The following PLCG2 variants were observed in gnomAD, a reference collection of about 807,000 sequenced individuals.
PLCG2 encodes phospholipase C gamma 2, also known as 1-phosphatidylinositol 4,5-bisphosphate phosphodiesterase gamma-2.
Under a neutral mutation model 175.6 loss-of-function variants are expected in PLCG2, and 69 were observed. That is an observed-to-expected ratio of 0.39 (90% confidence interval 0.32 to 0.48). The LOEUF (loss-of-function observed/expected upper bound fraction) is 0.48, where lower values mean the gene tolerates loss of function less well. Among genes scored for constraint, PLCG2 ranks in the 20% least tolerant of loss-of-function variants. The pLI, the probability that PLCG2 is intolerant of heterozygous loss-of-function variation, is 0.91. For missense variants in PLCG2, 1,798 were observed against 1,650.9 expected (o/e 1.09, Z -1.54); for synonymous variants, 827 against 624.0 (o/e 1.33, Z -4.85).
intron 2 of PLCG2, among the ~76,000 whole-genome samples, chr16:81,827,817 A>C (rs1178324932): frequency 6.6e-6 from 1 of 152,078 alleles, no homozygotes; most frequent in Non-Finnish European, 1.5e-5. Flanking sequence ...GCCGCCAGGC[A>C]CGGTGGTTCA....
chr16:81,849,686 A>G (rs1423211749), intron 2 of PLCG2, among the ~76,000 whole-genome samples: 2 of 148,216 alleles, frequency 1.3e-5, no homozygotes, highest in African/African-American at 5.0e-5. Context: ...CAGGAGAATC[A>G]CTTGAACCCA....
At chr16:81,924,258 G>A (rs1910171822) in intron 22 of PLCG2, among the ~76,000 whole-genome samples, 1 of 152,256 alleles carries the variant, frequency 6.6e-6, no homozygotes, top group East Asian at 1.9e-4. Context: ...AGAGCAATAA[G>A]AACTTGCTCA....
At chr16:81,768,787 C>T (rs1028847658) in intron 2 of PLCG2, among the ~76,000 whole-genome samples, 1 of 151,952 alleles carries the variant, frequency 6.6e-6, no homozygotes, top group African/African-American at 2.4e-5. Context: ...CGCTGGTCTC[C>T]AGCTCCTGAC....
At chr16:81,831,214 T>A (rs1215927565) in intron 2 of PLCG2, among the ~76,000 whole-genome samples, 1 of 152,148 alleles carries the variant, frequency 6.6e-6, no homozygotes, top group East Asian at 1.9e-4. Context: ...CTTGTCTCTG[T>A]CTCCTCCTAT....
intron 2 of PLCG2, chr16:81,798,470 C>A: frequency 6.6e-6 from 1 of 152,320 alleles, no homozygotes; most frequent in Non-Finnish European, 1.5e-5. Flanking sequence ...GCTGGGGAGG[C>A]CTGGGCTTGG....
In PLCG2 at chr16:81,854,352, A is replaced by C. The variant is rs4072830; in HGVS notation, c.194-92A>C. Reference sequence around the variant, plus strand: ...GCGGGATCCTGTTGGGGAAGGAAGGAGCCAGGCTGTGCCTGGGCTGCAGTT... The same window carrying C: ...GCGGGATCCTGTTGGGGAAGGAAGGCGCCAGGCTGTGCCTGGGCTGCAGTT... On this transcript the variant is annotated intron_variant, in intron 2 of 32. Transcript: ENST00000564138. 376,232 of 1,157,892 alleles carry C rather than the reference A, an allele frequency of 0.32. 64,016 individuals are homozygous for C. The highest frequency in any genetic ancestry group is 0.35 in the Non-Finnish European group (274,078 of 778,188). The allele number at this position is 1,157,892 out of a possible 1,614,324, so 71.7% of individuals were successfully genotyped here. A position where few individuals can be genotyped will look rare whatever the true frequency, so the allele number is the denominator to read the frequency against.
At chr16:81,823,578 G>T (rs4386130) in intron 2 of PLCG2, among the ~76,000 whole-genome samples, 151,389 of 152,294 alleles carry the variant, frequency 0.99, 75,246 homozygotes, top group East Asian at 1. Flanking sequence ...CAGGCTGGAG[G>T]GCAGTAGTGT....
chr16:81,837,917 T>C (rs1162988953), intron 2 of PLCG2, among the ~76,000 whole-genome samples: 2 of 152,100 alleles, frequency 1.3e-5, no homozygotes, highest in Non-Finnish European at 2.9e-5. Flanking sequence ...ATTCAGATTT[T>C]CCCCCATTTT....
intron 26 of PLCG2, 138 bp from the exon 27 acceptor site, chr16:81,936,031 C>A (rs1910695906): frequency 2.1e-6 from 3 of 1,461,920 alleles, no homozygotes; most frequent in South Asian, 1.4e-5. Context: ...GGGACAATAT[C>A]ATCAGAACCC....
rs375222873 is a variant in PLCG2 at position 81,891,480 on chromosome 16, G to T, written c.876G>T (p.Thr292=). The T allele has an allele frequency of 6.3e-6, 10 of 1,576,440 alleles. No individual in the cohort carries two copies. The highest frequency in any genetic ancestry group is 7.9e-6 in the Non-Finnish European group (9 of 1,145,562). Reference sequence around the variant, plus strand: ...GTGTTTGACTCTTTTAGTTCCTCACGTACCTGTTTTCACGAGAAAACAGCA... The same window carrying T: ...GTGTTTGACTCTTTTAGTTCCTCACTTACCTGTTTTCACGAGAAAACAGCA... The part of the protein sequence containing the change: ...EPFLFVDEFL[T]YLFSRENSIW... The change falls in exon 11 of 33, where the codon ACG becomes ACT. Residue 292 remains threonine, a synonymous_variant. Coordinates refer to ENST00000564138, the MANE Select transcript of PLCG2 (RefSeq NM_002661.5).
At chr16:81,886,825 T>C (rs1908391078) in intron 9 of PLCG2, among the ~76,000 whole-genome samples, 1 of 152,214 alleles carries the variant, frequency 6.6e-6, no homozygotes, top group African/African-American at 2.4e-5. Context: ...ATAGAGTCAG[T>C]GCTCAGTGTT....
chr16:81,874,087 A>C (rs1168216525), intron 7 of PLCG2, among the ~76,000 whole-genome samples: 1 of 152,218 alleles, frequency 6.6e-6, no homozygotes, highest in East Asian at 1.9e-4. Context: ...TGCCACATTG[A>C]GCCTGCCCCT....
intron 1 of PLCG2, among the ~76,000 whole-genome samples, chr16:81,752,316 G>A (rs1027800051): frequency 9.9e-5 from 15 of 152,130 alleles, no homozygotes; most frequent in African/African-American, 3.1e-4. Flanking sequence ...AGAAGCACCC[G>A]GCCAGCTCTG....
Position 81,758,333 on chromosome 16 carries a change from C to T in PLCG2, c.-48+2367C>T, listed in dbSNP as rs1250066333. Among the ~76,000 whole-genome samples, 15 of 152,266 alleles carry T rather than the reference C, an allele frequency of 9.9e-5. No homozygotes were observed. In the South Asian group the frequency reaches 3.1e-3, roughly 32 times the overall value. ...CATTTTGTAGCGTGGATCAGCAAAT[C>T]GTTTCTTTTTATTGCTGAGTAATAT... On this transcript the variant is annotated intron_variant, in intron 2 of 5. Transcript: ENST00000565054.
intron 2 of PLCG2, among the ~76,000 whole-genome samples, chr16:81,819,817 C>G (rs900749564): frequency 6.6e-6 from 1 of 152,176 alleles, no homozygotes; most frequent in Non-Finnish European, 1.5e-5. Flanking sequence ...AACTCCTGAC[C>G]TTGTGATCTG....
At chr16:81,876,355 C>G (rs1248957198) in intron 7 of PLCG2, among the ~76,000 whole-genome samples, 1 of 152,108 alleles carries the variant, frequency 6.6e-6, no homozygotes, top group Non-Finnish European at 1.5e-5. Context: ...TTACCCTTGG[C>G]CTTCCAGAAC....
At chr16:81,875,030 C>T (rs1907711491) in intron 7 of PLCG2, among the ~76,000 whole-genome samples, 1 of 131,990 alleles carries the variant, frequency 7.6e-6, no homozygotes, top group Non-Finnish European at 1.5e-5. Context: ...ATGGCACGAT[C>T]TTGATTCACT....
chr16:81,783,068 C>T, intron 1 of PLCG2: 1 of 460,226 alleles, frequency 2.2e-6, no homozygotes, highest in Non-Finnish European at 4.4e-6. Context: ...AAGTCCAAGG[C>T]CCTCCCAGAG....
At chr16:81,782,807 C>T (rs568835791) in intron 1 of PLCG2, among the ~76,000 whole-genome samples, 95 of 152,312 alleles carry the variant, frequency 6.2e-4, no homozygotes, top group Admixed American at 1.0e-3. Context: ...AGGGCCCCTC[C>T]AACAGTTGAA....
Sources: allele counts gnomAD v4.1 joint callset (sites outside exome capture counted in the v4.1 genomes callset), GRCh38; gene constraint gnomAD v4.1.1; transcripts MANE v1.5; gene names NCBI Gene and HGNC (gene_info 2026-07-23, HGNC 2026-07-21).